Variants in SHPRH observed in about 807,000 individuals in gnomAD.
SHPRH encodes E3 ubiquitin-protein ligase SHPRH.
Under a neutral mutation model 202.5 loss-of-function variants are expected in SHPRH, and 106 were observed. The observed-to-expected ratio is 0.52, with a 90% confidence interval of 0.45 to 0.62. SHPRH has a LOEUF of 0.62. Ranked by LOEUF, SHPRH falls within the 20% of genes least tolerant of loss-of-function variation. The probability of loss-of-function intolerance (pLI) is 0.00; values close to 1 mark genes in which losing one functional copy is unlikely to be tolerated. For synonymous variants in SHPRH, 729 were observed against 686.0 expected (o/e 1.06, Z -0.98); for missense variants, 1,710 against 2,020.0 (o/e 0.85, Z 2.94).
At chr6:145,859,497 C>A (rs555333058), downstream of SHPRH, among the ~76,000 whole-genome samples, 15 of 151,936 alleles carry the variant, frequency 9.9e-5, 1 homozygote, top group South Asian at 2.9e-3. Context: ...ATATTGACAG[C>A]AAATCAGAAA....
At chr6:145,900,060 C>T (rs1279206385) in intron 25 of SHPRH, among the ~76,000 whole-genome samples, 1 of 152,040 alleles carries the variant, frequency 6.6e-6, no homozygotes, top group South Asian at 2.1e-4. Flanking sequence ...GGTGGCAATA[C>T]AAATTAGTAG....
At chr6:145,954,385 C>G (rs952283107) in intron 2 of SHPRH, among the ~76,000 whole-genome samples, 48 of 151,902 alleles carry the variant, frequency 3.2e-4, no homozygotes, top group Non-Finnish European at 3.5e-4. Flanking sequence ...GAGACAAAAT[C>G]GAAGCATTTG....
chr6:145,955,381 G>T (rs1788402897), intron 1 of SHPRH, 27 bp from the exon 2 acceptor site: 3 of 1,522,776 alleles, frequency 2.0e-6, no homozygotes. Context: ...ACAACAGGAG[G>T]TATAACAAGA....
chr6:145,895,951 T>C (rs1781980972), intron 25 of SHPRH, among the ~76,000 whole-genome samples: 1 of 151,982 alleles, frequency 6.6e-6, no homozygotes, highest in African/African-American at 2.4e-5. Flanking sequence ...ATATTAAATA[T>C]GAGCACTATA....
downstream of SHPRH, among the ~76,000 whole-genome samples, chr6:145,882,735 G>A (rs754216044): frequency 1.2e-4 from 18 of 152,150 alleles, no homozygotes; most frequent in Admixed American, 5.9e-4. Context: ...GGTGCCTTAC[G>A]GTTCTGGGTA....
At chr6:145,896,734 A>T (rs1782043848) in intron 25 of SHPRH, among the ~76,000 whole-genome samples, 1 of 152,080 alleles carries the variant, frequency 6.6e-6, no homozygotes, top group African/African-American at 2.4e-5. Flanking sequence ...CTAGAAACCC[A>T]TAATAGGAGG....
At chr6:145,960,075 A>T (rs1411106067) in intron 1 of SHPRH, among the ~76,000 whole-genome samples, 1 of 152,212 alleles carries the variant, frequency 6.6e-6, no homozygotes. Flanking sequence ...GCAATCATTT[A>T]TTCTCATAGA....
intron 2 of SHPRH, 92 bp downstream of exon 2, chr6:145,954,598 G>A: frequency 7.5e-7 from 1 of 1,338,322 alleles, no homozygotes; most frequent in Non-Finnish European, 1.0e-6. Flanking sequence ...AAGGCTTATT[G>A]CTGGCTTTTC....
intron 28 of SHPRH, among the ~76,000 whole-genome samples, chr6:145,892,312 TA>T (rs556484400): frequency 1.7e-3 from 265 of 152,304 alleles, no homozygotes; most frequent in Middle Eastern, 6.8e-3. Context: ...CTTAACACCA[TA>T]AAGTCTTTCC....
In SHPRH at chr6:145,941,763, T is replaced by C. The variant is rs1279273184; in HGVS notation, c.2350A>G (p.Ile784Val). 6.2e-7 allele frequency: 1 copy of C among 1,614,068 alleles called. No individual in the cohort carries two copies. Residue 784 changes from isoleucine to valine, a missense_variant, in exon 10 of 30, where the codon ATC (isoleucine) becomes GTC (valine). Transcript: ENST00000275233. ...CCATCCTCACTATTGCTATGTGGGA[T>C]ATCGACATAATTTAATTCTGAACGC... ...VLRSELNYVDIPHSNSEDGRR... is the reference protein window; with the variant it reads ...VLRSELNYVDVPHSNSEDGRR...
At chr6:145,860,667 T>C (rs117873215), downstream of SHPRH, among the ~76,000 whole-genome samples, 636 of 152,094 alleles carry the variant, frequency 4.2e-3, 18 homozygotes, top group East Asian at 0.071. Context: ...TACTTGAAAC[T>C]ACAAAAGACT....
chr6:145,901,657 G>A (rs1415160075), intron 25 of SHPRH, among the ~76,000 whole-genome samples: 1 of 152,100 alleles, frequency 6.6e-6, no homozygotes. Context: ...TTATGCATTA[G>A]GGAAGACTGT....
intron 2 of SHPRH, among the ~76,000 whole-genome samples, chr6:145,864,968 C>A (rs567012388): frequency 6.6e-6 from 1 of 151,704 alleles, no homozygotes. Context: ...CACACACACA[C>A]ACACACACAC....
At chr6:145,930,376 CAT>C (rs61053298) in intron 14 of SHPRH, among the ~76,000 whole-genome samples, 12,171 of 152,026 alleles carry the variant, frequency 0.08, 1,602 homozygotes, top group African/African-American at 0.27. Context: ...TTTTCTAGTA[CAT>C]GTTTAATGCT....
In SHPRH at chr6:145,884,855, A is replaced by C. The variant is rs1035171198; in HGVS notation, c.*1836T>G. 1 of 152,174 alleles carries C rather than the reference A, an allele frequency of 6.6e-6. No individual in the cohort carries two copies. Among genetic ancestry groups the C allele is most frequent in the African/African-American group, 2.4e-5 (1 of 41,452 alleles). The allele number at this position is 152,174 out of a possible 1,614,324, so 9.4% of individuals were successfully genotyped here. On this transcript the variant is annotated 3_prime_UTR_variant, in exon 30 of 30. Coordinates refer to ENST00000275233, the MANE Select transcript of SHPRH (RefSeq NM_001042683.3). Reference sequence around the variant, plus strand: ...ATTTAATGGATATCTTACAGAAATAAATAAAAACAGTTTTTGTCTAATACA... The same window carrying C: ...ATTTAATGGATATCTTACAGAAATACATAAAAACAGTTTTTGTCTAATACA...
At position 145,921,328 on chromosome 6, in the gene SHPRH, G is replaced by A. The variant is rs1225477710; in HGVS notation, c.3847C>T (p.Arg1283Ter). Residue 1283 changes from arginine to a stop codon, truncating the protein, a stop_gained, in exon 21 of 30, where the codon CGA (arginine) becomes TGA (stop). Transcript: ENST00000275233. LOFTEE classifies it high-confidence loss of function. ...IEDEEGLVDD[R>*]APTTTRGLWA... Reference sequence around the variant, plus strand: ...AGACCCCGGGTGGTGGTAGGTGCTCGATCATCCACCAGTCCTTCTTCATCT... The same window carrying A: ...AGACCCCGGGTGGTGGTAGGTGCTCAATCATCCACCAGTCCTTCTTCATCT... The A allele has an allele frequency of 1.2e-6, 2 of 1,612,754 alleles. No individual in the cohort carries two copies. Among genetic ancestry groups the A allele is most frequent in the South Asian group, 1.1e-5 (1 of 91,050 alleles).
intron 11 of SHPRH, 97 bp downstream of exon 11, chr6:145,940,626 A>G (rs1026938724): frequency 4.3e-6 from 5 of 1,162,450 alleles, no homozygotes; most frequent in Middle Eastern, 1.9e-4. Context: ...CATCACTTCA[A>G]TAGGGACTGC....
intron 2 of SHPRH, among the ~76,000 whole-genome samples, chr6:145,953,769 T>C (rs1788215296): frequency 6.6e-6 from 1 of 152,092 alleles, no homozygotes; most frequent in Non-Finnish European, 1.5e-5. Context: ...GTAAGAAGAA[T>C]GGGTATTATT....
intron 25 of SHPRH, chr6:145,907,649 G>C (rs924122867): frequency 2.0e-5 from 3 of 152,070 alleles, no homozygotes; most frequent in Non-Finnish European, 4.4e-5. Flanking sequence ...TCCATGCACT[G>C]GCTCTCTTCT....
Sources: allele counts gnomAD v4.1 joint callset (sites outside exome capture counted in the v4.1 genomes callset), GRCh38; gene constraint gnomAD v4.1.1; transcripts MANE v1.5; gene names NCBI Gene and HGNC (gene_info 2026-07-23, HGNC 2026-07-21).